Variants in LINGO2 observed in about 807,000 individuals in gnomAD.
LINGO2 encodes leucine-rich repeat and immunoglobulin-like domain-containing nogo receptor-interacting protein 2.
A neutral mutation model predicts 30.6 loss-of-function variants in LINGO2; 14 were observed. The observed-to-expected ratio is 0.46, with a 90% CI of 0.30 to 0.72. The LOEUF (loss-of-function observed/expected upper bound fraction) is 0.72, where lower values mean the gene tolerates loss of function less well. LINGO2 is among the 30% of genes least tolerant of loss of function. The pLI is 0.07. For synonymous variants in LINGO2, 317 were observed against 288.5 expected, an observed-to-expected ratio of 1.10 and a Z score of -1.00; for missense variants, 729 against 751.7, an observed-to-expected ratio of 0.97 and a Z score of 0.35.
the LINGO2 span, among the ~76,000 whole-genome samples, chr9:28,724,006 T>C: frequency 6.6e-6 from 1 of 152,154 alleles, no homozygotes; most frequent in Non-Finnish European, 1.5e-5. Flanking sequence ...GTGTTTATTA[T>C]GGGCATATAT....
intron 1 of LINGO2, among the ~76,000 whole-genome samples, chr9:28,586,917 G>T: frequency 6.6e-6 from 1 of 151,902 alleles, no homozygotes; most frequent in Non-Finnish European, 1.5e-5. Flanking sequence ...GCCATTCAGG[G>T]GCTTTTCAAA....
chr9:28,269,234 A>C (rs1822857770), intron 4 of LINGO2, among the ~76,000 whole-genome samples: 1 of 152,018 alleles, frequency 6.6e-6, no homozygotes, highest in African/African-American at 2.4e-5. Context: ...TCTTGATTTA[A>C]CTGATAGGTC....
intron 4 of LINGO2, among the ~76,000 whole-genome samples, chr9:28,051,798 C>T (rs1316232608): frequency 6.6e-6 from 1 of 152,010 alleles, no homozygotes; most frequent in Non-Finnish European, 1.5e-5. Context: ...AAACAGATTT[C>T]ATCAAGAATA....
chr9:28,309,822 CA>C (rs1395454999), intron 3 of LINGO2, among the ~76,000 whole-genome samples: 1 of 151,430 alleles, frequency 6.6e-6, no homozygotes, highest in Non-Finnish European at 1.5e-5. Context: ...CATATAAAAG[CA>C]AACCAATTTA....
intron 1 of LINGO2, among the ~76,000 whole-genome samples, chr9:28,555,811 G>T (rs576762556): frequency 6.6e-6 from 1 of 151,980 alleles, no homozygotes; most frequent in Non-Finnish European, 1.5e-5. Context: ...GATCAAGTGG[G>T]CTTCATCCCT....
At position 28,510,999 on chromosome 9, in the gene LINGO2, C is replaced by G. The variant is rs577821353; in HGVS notation, c.-364-34974G>C. Among the ~76,000 whole-genome samples, 3 of 151,926 alleles carry G rather than the reference C, an allele frequency of 2.0e-5. No individual in the cohort carries two copies. In the South Asian group the frequency reaches 6.3e-4, roughly 32 times the overall value. On this transcript the variant is annotated intron_variant, in intron 1 of 5. Coordinates refer to ENST00000379992, the Ensembl canonical transcript of LINGO2. ...TCTCTTTTTCTTGTTTTTTTGCCTCCTTTATGTTTGATGGCAGCTGATTAG... is the reference window on the plus strand; with the variant it reads ...TCTCTTTTTCTTGTTTTTTTGCCTCGTTTATGTTTGATGGCAGCTGATTAG...
chr9:28,710,141 G>C, the LINGO2 span, among the ~76,000 whole-genome samples: 1 of 151,302 alleles, frequency 6.6e-6, no homozygotes, highest in African/African-American at 2.4e-5. Flanking sequence ...GGAGCTGATT[G>C]GGTCAAGTGC....
chr9:28,017,025 G>C (rs1020360403), intron 4 of LINGO2, among the ~76,000 whole-genome samples: 4 of 152,076 alleles, frequency 2.6e-5, no homozygotes, highest in Non-Finnish European at 5.9e-5. Flanking sequence ...AGGATGCAAG[G>C]TTGGTTCAAC....
the LINGO2 span, among the ~76,000 whole-genome samples, chr9:28,681,310 C>T: frequency 9.9e-5 from 15 of 152,016 alleles, no homozygotes; most frequent in African/African-American, 3.4e-4. Context: ...AGTTAATTGG[C>T]GGTTGGTAAC....
intron 1 of LINGO2, among the ~76,000 whole-genome samples, chr9:28,556,512 G>C (rs1292845265): frequency 6.6e-6 from 1 of 152,056 alleles, no homozygotes; most frequent in African/African-American, 2.4e-5. Context: ...CAAACAAATG[G>C]AAGAATATTC....
intron 1 of LINGO2, among the ~76,000 whole-genome samples, chr9:28,549,968 CACA>C (rs923575992): frequency 6.6e-6 from 1 of 151,856 alleles, no homozygotes; most frequent in Admixed American, 6.6e-5. Flanking sequence ...TAATTATCTT[CACA>C]ACATCCTGTT....
chr9:28,477,858 A>G (rs1013651008), intron 1 of LINGO2, among the ~76,000 whole-genome samples: 2 of 152,194 alleles, frequency 1.3e-5, no homozygotes, highest in Admixed American at 6.5e-5. Context: ...ATTGTGGTCT[A>G]CAACTTCTGA....
At chr9:28,685,937 G>C in the LINGO2 span, among the ~76,000 whole-genome samples, 1 of 151,696 alleles carries the variant, frequency 6.6e-6, no homozygotes, top group Non-Finnish European at 1.5e-5. Flanking sequence ...AAGACGAGTA[G>C]TGTGTGGGTG....
At chr9:28,285,734 A>G (rs1259850401) in intron 4 of LINGO2, among the ~76,000 whole-genome samples, 1 of 152,122 alleles carries the variant, frequency 6.6e-6, no homozygotes, top group Admixed American at 6.5e-5. Flanking sequence ...TGTCAGAGCT[A>G]TGATTCAAAC....
chr9:29,161,094 G>C, the LINGO2 span, among the ~76,000 whole-genome samples: 1 of 152,234 alleles, frequency 6.6e-6, no homozygotes, highest in Admixed American at 6.5e-5. Flanking sequence ...CTCATGCCCA[G>C]AGGGAAAGAG....
At chr9:29,168,854 T>C in the LINGO2 span, among the ~76,000 whole-genome samples, 1 of 152,210 alleles carries the variant, frequency 6.6e-6, no homozygotes, top group Non-Finnish European at 1.5e-5. Context: ...CAAAGCTTAG[T>C]TATTTGCCTA....
the LINGO2 span, among the ~76,000 whole-genome samples, chr9:28,890,195 TTTTTGTTTTG>T: frequency 0.85 from 128,560 of 151,024 alleles, 54,902 homozygotes; most frequent in Non-Finnish European, 0.89. Context: ...TTTTCTTGGT[TTTTTGTTTTG>T]TTTTGTTTTG....
At chr9:28,495,738 T>C (rs62557822) in intron 1 of LINGO2, among the ~76,000 whole-genome samples, 27,730 of 152,106 alleles carry the variant, frequency 0.18, 2,888 homozygotes, top group East Asian at 0.31. Context: ...CTAGTTCTTT[T>C]AATTGCGATG....
At chr9:28,057,989 A>C (rs538029719) in intron 4 of LINGO2, among the ~76,000 whole-genome samples, 1 of 152,216 alleles carries the variant, frequency 6.6e-6, no homozygotes, top group African/African-American at 2.4e-5. Flanking sequence ...TCTCCTATTA[A>C]ACTTTGAGTT....
Sources: gnomAD v4.1 joint callset for allele counts (sites outside exome capture counted in the v4.1 genomes callset) on GRCh38, gnomAD v4.1.1 for gene constraint, MANE v1.5 for transcripts, NCBI Gene and HGNC (gene_info 2026-07-23, HGNC 2026-07-21) for gene names.